COL17A1: variants seen among roughly 807,000 people sequenced by gnomAD.
COL17A1 encodes collagen alpha-1(XVII) chain.
A neutral mutation model predicts 218.4 loss-of-function variants in COL17A1; 181 were observed. The ratio of observed to expected loss-of-function variants is 0.83; its 90% CI spans 0.73 to 0.94. COL17A1 has a LOEUF of 0.94. COL17A1 is among the 40% of genes least tolerant of loss of function. The pLI is 0.00. For missense variants in COL17A1, 1,924 were observed against 1,945.9 expected, an observed-to-expected ratio of 0.99 and a Z score of 0.21; for synonymous variants, 721 against 731.0, an observed-to-expected ratio of 0.99 and a Z score of 0.22.
chr10:104,069,750 A>T (rs1042165496), intron 9 of COL17A1, among the ~76,000 whole-genome samples: 6 of 152,060 alleles, frequency 3.9e-5, no homozygotes, highest in Non-Finnish European at 7.4e-5. Flanking sequence ...TTGAGTTCAC[A>T]GTTCACCACT....
rs1176215512 is a variant in COL17A1, at chr10:104,085,821, T to A, written c.-110A>T. 2 of 151,894 alleles carry A rather than the reference T, an allele frequency of 1.3e-5. No homozygotes were observed. The highest frequency in any genetic ancestry group is 4.9e-5 in the African/African-American group (2 of 41,216). The allele number at this position is 151,894 out of a possible 1,614,324, so 9.4% of individuals were successfully genotyped here. A position where few individuals can be genotyped will look rare whatever the true frequency, so the allele number is the denominator to read the frequency against. On this transcript the variant is annotated 5_prime_UTR_variant, in exon 1 of 56. In the 5' UTR this introduces an upstream ATG that the reference lacks. Transcript: ENST00000648076. ...TCTTCTAGAAATTTGCAGTGCTCAC[T>A]TTTTTTTTATCCAGACCCAGCCAAG...
At chr10:104,059,299 A>T (rs967453343) in intron 15 of COL17A1, 3 of 347,994 alleles carry the variant, frequency 8.6e-6, no homozygotes, top group Non-Finnish European at 1.6e-5. Context: ...AAGAAAAAAA[A>T]ATAAAGCTAA....
rs368960793 is a variant in COL17A1 at position 104,051,472 on chromosome 10, C to A, written c.2038+9G>T. The A allele has an allele frequency of 1.9e-4, 313 of 1,614,072 alleles. 1 individual carries two copies. The African/African-American group carries it at 3.9e-3, about 20-fold the overall frequency. On this transcript the variant is annotated intron_variant, in intron 25 of 55. Coordinates refer to ENST00000648076, the MANE Select transcript of COL17A1 (RefSeq NM_000494.4). Reference sequence around the variant, plus strand: ...AACAGAACCTATTTACAAGAAGCAGCAAACTGACCTGGAGGGCCCTGTGGG... The same window carrying A: ...AACAGAACCTATTTACAAGAAGCAGAAAACTGACCTGGAGGGCCCTGTGGG...
At position 104,064,691 on chromosome 10, in the gene COL17A1, T is replaced by G. The variant is rs2086612499; in HGVS notation, c.608-95A>C. 2.1e-5 allele frequency: 26 copies of G among 1,251,364 alleles called. No homozygotes were observed. The South Asian group carries it at 3.0e-4, about 14-fold the overall frequency. The allele number at this position is 1,251,364 out of a possible 1,614,324, so 77.5% of individuals were successfully genotyped here. ...CCTCATTTTGCTGGGATTTCCTGGTTTGGGCATTGAAAGCCCCACATTTCA... is the reference window on the plus strand; with the variant it reads ...CCTCATTTTGCTGGGATTTCCTGGTGTGGGCATTGAAAGCCCCACATTTCA... On this transcript the variant is annotated intron_variant, in intron 9 of 55. Transcript: ENST00000648076.
In COL17A1 at chr10:104,075,434, C is replaced by T. The variant is rs190135492; in HGVS notation, c.331+867G>A. ...CCTTCTCCTTACATTTAATCAATTG[C>T]CAAACCTGTCAATTCCACCTCAGTG... On this transcript the variant is annotated intron_variant, in intron 5 of 55. Transcript: ENST00000648076. 1.5e-3 allele frequency among the ~76,000 whole-genome samples: 234 copies of T among 152,212 alleles called. 1 individual carries two copies. Among genetic ancestry groups the T allele is most frequent in the Non-Finnish European group, 3.0e-3 (201 of 68,008 alleles).
At chr10:104,038,558 GT>G in intron 44 of COL17A1, 30 bp from the exon 45 acceptor site, 1 of 1,606,234 alleles carries the variant, frequency 6.2e-7, no homozygotes, top group Non-Finnish European at 8.5e-7. Context: ...TCCTGTGTCG[GT>G]TTCTCCACCC....
At chr10:104,042,908 C>T (rs58860282) in intron 35 of COL17A1, among the ~76,000 whole-genome samples, 1,944 of 152,314 alleles carry the variant, frequency 0.013, 43 homozygotes, top group African/African-American at 0.044. Flanking sequence ...ATTTTATTTT[C>T]TTCCAGCATT....
intron 1 of COL17A1, among the ~76,000 whole-genome samples, chr10:104,083,185 T>A (rs1312910220): frequency 6.6e-6 from 1 of 152,198 alleles, no homozygotes; most frequent in African/African-American, 2.4e-5. Flanking sequence ...GGACCTACAG[T>A]ATATTCCCAG....
At chr10:104,065,191 C>G (rs1327503845) in intron 9 of COL17A1, among the ~76,000 whole-genome samples, 2 of 152,146 alleles carry the variant, frequency 1.3e-5, no homozygotes, top group African/African-American at 2.4e-5. Flanking sequence ...TATTTGGGGC[C>G]AGTTCTGCAT....
intron 29 of COL17A1, 61 bp from the exon 30 acceptor site, chr10:104,048,165 T>C: frequency 6.3e-7 from 1 of 1,575,964 alleles, no homozygotes; most frequent in East Asian, 2.2e-5. Flanking sequence ...GATTCCTCCC[T>C]CTACTGTCCC....
At chr10:104,084,184 T>TGCCA (rs767585160) in intron 1 of COL17A1, among the ~76,000 whole-genome samples, 4 of 152,234 alleles carry the variant, frequency 2.6e-5, no homozygotes, top group Non-Finnish European at 5.9e-5. Flanking sequence ...AGTTGTGTCC[T>TGCCA]GCCACTGTTA....
intron 25 of COL17A1, 137 bp from the exon 26 acceptor site, chr10:104,051,038 T>C (rs1239922764): frequency 8.8e-6 from 13 of 1,473,496 alleles, no homozygotes; most frequent in Middle Eastern, 1.7e-4. Flanking sequence ...ATGCTTTCCA[T>C]GGACTCCTTC....
intron 15 of COL17A1, 54 bp from the exon 16 acceptor site, chr10:104,058,244 C>T: frequency 6.2e-7 from 1 of 1,612,400 alleles, no homozygotes; most frequent in African/African-American, 1.3e-5. Context: ...GCTAGCTGCT[C>T]TGCCTATGGA....
intron 32 of COL17A1, among the ~76,000 whole-genome samples, chr10:104,046,416 TG>T (rs1188408587): frequency 6.6e-6 from 1 of 152,122 alleles, no homozygotes; most frequent in African/African-American, 2.4e-5. Context: ...TGGGGGAACT[TG>T]GGCCTCTGGA....
intron 42 of COL17A1, 30 bp downstream of exon 42, chr10:104,039,578 A>G (rs773206445): frequency 2.5e-6 from 4 of 1,614,114 alleles, no homozygotes; most frequent in Non-Finnish European, 3.4e-6. Context: ...CTCTGGCCAG[A>G]GCCAGAATGG....
At chr10:104,078,219 C>T (rs1383342918) in intron 3 of COL17A1, among the ~76,000 whole-genome samples, 1 of 152,118 alleles carries the variant, frequency 6.6e-6, no homozygotes, top group Non-Finnish European at 1.5e-5. Context: ...GGCAAATCTA[C>T]AGAGACAGTA....
intron 48 of COL17A1, among the ~76,000 whole-genome samples, chr10:104,035,834 G>A (rs1427056628): frequency 1.3e-5 from 2 of 151,830 alleles, no homozygotes; most frequent in African/African-American, 4.8e-5. Context: ...GTGTGTATGG[G>A]AGTGTATCGG....
Position 104,066,708 on chromosome 10 carries a change from G to A in COL17A1, c.608-2112C>T, listed in dbSNP as rs79724812. ...GGGAGTAACAGGAAGGCTGGAGGAAGAGGAATCTGGGGATCATAAAGAAGC... is the reference window on the plus strand; with the variant it reads ...GGGAGTAACAGGAAGGCTGGAGGAAAAGGAATCTGGGGATCATAAAGAAGC... On this transcript the variant is annotated intron_variant, in intron 9 of 55. Transcript: ENST00000648076. 2.9e-3 allele frequency among the ~76,000 whole-genome samples: 445 copies of A among 152,348 alleles called. 4 individuals carry two copies. The East Asian group carries it at 0.057, about 19-fold the overall frequency.
Position 104,060,246 on chromosome 10 carries a change from C to T in COL17A1, c.1014G>A (p.Leu338=). 1 of 1,614,016 alleles carries T rather than the reference C, an allele frequency of 6.2e-7. No homozygotes were observed. The highest frequency in any genetic ancestry group is 8.5e-7 in the Non-Finnish European group (1 of 1,180,010). ...GGATCAGGAACTTGCAGTCCTTGTG[C>T]AAAAGGTCATCGCTCTGCACACTTG... The part of the protein sequence containing the change: ...CTTSVQSDDL[L]HKDCKFLILE... The change falls in exon 14 of 56, where the codon TTG becomes TTA. Residue 338 remains leucine, a synonymous_variant. Coordinates refer to ENST00000648076, the MANE Select transcript of COL17A1 (RefSeq NM_000494.4).
Sources: allele counts gnomAD v4.1 joint callset (sites outside exome capture counted in the v4.1 genomes callset), GRCh38; gene constraint gnomAD v4.1.1; transcripts MANE v1.5; gene names NCBI Gene and HGNC (gene_info 2026-07-23, HGNC 2026-07-21).